Variants in MAP3K2 observed in about 807,000 individuals in gnomAD.
MAP3K2 encodes the protein mitogen-activated protein kinase kinase kinase 2.
Under a neutral mutation model 80.3 loss-of-function variants are expected in MAP3K2, and 24 were observed. The ratio of observed to expected loss-of-function variants is 0.30; its 90% CI spans 0.22 to 0.42. MAP3K2 has a LOEUF of 0.42. MAP3K2 is among the 10% of genes least tolerant of loss of function. The probability of loss-of-function intolerance (pLI) is 1.00; values close to 1 mark genes in which losing one functional copy is unlikely to be tolerated. For synonymous variants in MAP3K2, 244 were observed against 253.7 expected, an observed-to-expected ratio of 0.96 and a Z score of 0.36; for missense variants, 608 against 750.1, an observed-to-expected ratio of 0.81 and a Z score of 2.21.
chr2:127,298,743 GTTACTTA>G lies in MAP3K2; in HGVS notation c.*8829_*8835del, dbSNP rs1685532852. 6.6e-6 allele frequency: 1 copy of G among 152,132 alleles called. No homozygotes were observed. Among genetic ancestry groups the G allele is most frequent in the Non-Finnish European group, 1.5e-5 (1 of 68,028 alleles). 9.4% of individuals were successfully genotyped at this position (152,132 alleles called of 1,614,324 possible). A position where few individuals can be genotyped will look rare whatever the true frequency, so the allele number is the denominator to read the frequency against. ...TTATATTCATTCCATAGTCCAGAAG[GTTACTTA>G]TTAGAGTAAGCCTTTGCACCACAAT... On this transcript the variant is annotated 3_prime_UTR_variant, in exon 17 of 17. Coordinates refer to ENST00000682094, the MANE Select transcript of MAP3K2 (RefSeq NM_001371910.2).
chr2:127,313,286 G>A (rs1226876464), intron 15 of MAP3K2, among the ~76,000 whole-genome samples: 7 of 152,174 alleles, frequency 4.6e-5, no homozygotes, highest in African/African-American at 1.7e-4. Context: ...AAGCTGGCTT[G>A]AATGGACATT....
Position 127,319,249 on chromosome 2 carries a change from A to C in MAP3K2, c.1046-932T>G, listed in dbSNP as rs564529278. ...GGAATGCAAAAGAAAAAAAAAAAAA[A>C]AAAAACCCTACCCCTGAGAGAGAGG... On this transcript the variant is annotated intron_variant, in intron 12 of 16. Coordinates refer to ENST00000682094, the MANE Select transcript of MAP3K2 (RefSeq NM_001371910.2). Among the ~76,000 whole-genome samples, 282 of 151,970 alleles carry C rather than the reference A, an allele frequency of 1.9e-3. 1 individual carries two copies. The highest frequency in any genetic ancestry group is 3.1e-3 in the Non-Finnish European group (213 of 67,922).
chr2:127,321,537 A>G lies in MAP3K2; in HGVS notation c.1045+509T>C, dbSNP rs867329. On this transcript the variant is annotated intron_variant, in intron 12 of 16. Coordinates refer to ENST00000682094, the MANE Select transcript of MAP3K2 (RefSeq NM_001371910.2). The surrounding 1 kb of genome is among the most constrained non-coding windows in gnomAD (Gnocchi z 4.4). ...CACAGTAAGGTCTGAATGCTTTGCA[A>G]TCCAGCCTGAGTTACCACTGTAGGC... Among the ~76,000 whole-genome samples, 1,076 of 152,346 alleles carry G rather than the reference A, an allele frequency of 7.1e-3. 9 individuals are homozygous for G. The highest frequency in any genetic ancestry group is 0.012 in the Non-Finnish European group (823 of 68,024).
At chr2:127,315,699 CTGAG>C (rs1266225650) in intron 14 of MAP3K2, among the ~76,000 whole-genome samples, 17 of 152,240 alleles carry the variant, frequency 1.1e-4, no homozygotes, top group African/African-American at 4.1e-4. Flanking sequence ...CTTTGGGAGG[CTGAG>C]TGAGGAAGGC....
rs996506954 is a variant in MAP3K2 at position 127,343,136 on chromosome 2, A to T, written c.-7T>A. The T allele has an allele frequency of 1.9e-6, 3 of 1,553,908 alleles. No homozygotes were observed. The African/African-American group carries it at 4.1e-5, about 21-fold the overall frequency. On this transcript the variant is annotated 5_prime_UTR_variant, in exon 2 of 17. Transcript: ENST00000682094. ...TTAGTTTGAACTCACCCATTATGGC[A>T]AACAGCTCAACAATTTGAAAATTAG...
chr2:127,317,923 T>G (rs995974435), intron 13 of MAP3K2, among the ~76,000 whole-genome samples, 163 bp from the exon 14 acceptor site: 1 of 152,120 alleles, frequency 6.6e-6, no homozygotes, highest in Non-Finnish European at 1.5e-5. Context: ...TCCTTGATGA[T>G]ATGCTAAAGC....
intron 15 of MAP3K2, 109 bp from the exon 16 acceptor site, chr2:127,308,871 A>G (rs1186005850): frequency 3.5e-6 from 4 of 1,151,208 alleles, no homozygotes; most frequent in Admixed American, 5.0e-5. Flanking sequence ...TTTGTCCCCA[A>G]AGTTAGGCTG....
rs1030506809 is a variant in MAP3K2 at position 127,305,727 on chromosome 2, A to G, written c.*1852T>C. 1.3e-5 allele frequency: 2 copies of G among 152,096 alleles called. No homozygotes were observed. The highest frequency in any genetic ancestry group is 1.3e-4 in the Admixed American group (2 of 15,258). 9.4% of individuals were successfully genotyped at this position (152,096 alleles called of 1,614,324 possible). ...AATAAAGTACTTAGCACTTGCTTTAACATGCTGAAAAAAACTGCAAGTGGC... is the reference window on the plus strand; with the variant it reads ...AATAAAGTACTTAGCACTTGCTTTAGCATGCTGAAAAAAACTGCAAGTGGC... On this transcript the variant is annotated 3_prime_UTR_variant, in exon 17 of 17. Transcript: ENST00000682094.
chr2:127,378,981 G>GTTT lies in MAP3K2; in HGVS notation c.-66+8468_-66+8470dup, dbSNP rs58961718. Among the ~76,000 whole-genome samples, 79 of 88,042 alleles carry GTTT rather than the reference G, an allele frequency of 9.0e-4. 5 individuals are homozygous for GTTT. Among genetic ancestry groups the GTTT allele is most frequent in the African/African-American group, 2.4e-3 (53 of 22,344 alleles). 57.8% of individuals were successfully genotyped at this position (88,042 alleles called of 152,430 possible). A position where few individuals can be genotyped will look rare whatever the true frequency, so the allele number is the denominator to read the frequency against. On this transcript the variant is annotated intron_variant, in intron 1 of 16. Coordinates refer to ENST00000682094, the MANE Select transcript of MAP3K2 (RefSeq NM_001371910.2). ...GGCTAATTTTGTGGGGTTTTTTGTT[G>GTTT]TTTTTTTTTTTTTTTTTTTTTGGAG...
intron 1 of MAP3K2, among the ~76,000 whole-genome samples, chr2:127,370,000 G>A (rs927265684): frequency 1.3e-5 from 2 of 151,886 alleles, no homozygotes; most frequent in African/African-American, 4.8e-5. Flanking sequence ...GTCTTATCTG[G>A]TGCCTGAAAC....
chr2:127,374,638 C>T (rs1038518854), intron 1 of MAP3K2, among the ~76,000 whole-genome samples: 2 of 152,170 alleles, frequency 1.3e-5, no homozygotes, highest in African/African-American at 2.4e-5. Flanking sequence ...ATTTGGAAAA[C>T]GTAGATATGT....
At chr2:127,308,872 A>T in intron 15 of MAP3K2, 110 bp from the exon 16 acceptor site, 1 of 1,153,424 alleles carries the variant, frequency 8.7e-7, no homozygotes, top group Non-Finnish European at 1.2e-6. Flanking sequence ...TTGTCCCCAA[A>T]GTTAGGCTGC....
chr2:127,342,695 T>TG (rs10648615), intron 2 of MAP3K2, among the ~76,000 whole-genome samples: 5 of 151,404 alleles, frequency 3.3e-5, no homozygotes, highest in Admixed American at 6.6e-5. Context: ...GAAAACAAAA[T>TG]ATGTAAACTG....
chr2:127,371,898 A>T (rs1201084523), intron 1 of MAP3K2, among the ~76,000 whole-genome samples: 1 of 152,228 alleles, frequency 6.6e-6, no homozygotes, highest in East Asian at 1.9e-4. Context: ...GTAAGTAACC[A>T]GGCGGGAAAC....
At chr2:127,338,802 A>T in intron 3 of MAP3K2, 130 bp downstream of exon 3, 4 of 647,434 alleles carry the variant, frequency 6.2e-6, no homozygotes, top group Non-Finnish European at 1.1e-5. Flanking sequence ...CTTACACGAA[A>T]ATGTGTAACA....
chr2:127,308,581 C>T lies in MAP3K2; in HGVS notation c.1634+4G>A, dbSNP rs1685753236. ...TTTCAAGCAAACTTCGTATCAAAAC[C>T]TACCAGATGTCTGCTTTTCTTCCAT... On this transcript the variant is annotated splice_donor_region_variant and intron_variant, in intron 16 of 16. Coordinates refer to ENST00000682094, the MANE Select transcript of MAP3K2 (RefSeq NM_001371910.2). The T allele has an allele frequency of 6.5e-7, 1 of 1,547,278 alleles. No individual in the cohort carries two copies. The highest frequency in any genetic ancestry group is 8.8e-7 in the Non-Finnish European group (1 of 1,137,660).
intron 12 of MAP3K2, among the ~76,000 whole-genome samples, chr2:127,319,153 C>G (rs191449018): frequency 6.6e-6 from 1 of 151,540 alleles, no homozygotes; most frequent in Admixed American, 6.6e-5. Flanking sequence ...GAAACGAGAG[C>G]CTTCAGCCGC....
At chr2:127,335,178 TATAAC>T (rs774206314) in intron 5 of MAP3K2, among the ~76,000 whole-genome samples, 2 of 152,214 alleles carry the variant, frequency 1.3e-5, no homozygotes, top group Non-Finnish European at 2.9e-5. Flanking sequence ...TGCTGCAACT[TATAAC>T]TTATAGCATT....
intron 3 of MAP3K2, 55 bp from the exon 4 acceptor site, chr2:127,337,833 T>C: frequency 9.8e-7 from 1 of 1,022,386 alleles, no homozygotes; most frequent in Non-Finnish European, 1.4e-6. Flanking sequence ...ATTCAGAGAT[T>C]AGATAAAATT....
Sources: gnomAD v4.1 joint callset for allele counts (sites outside exome capture counted in the v4.1 genomes callset) on GRCh38, gnomAD v4.1.1 for gene constraint, Gnocchi (gnomAD v3.1) non-coding constraint, MANE v1.5 for transcripts, NCBI Gene and HGNC (gene_info 2026-07-23, HGNC 2026-07-21) for gene names.